The following POLR1B variants were observed in gnomAD, a reference collection of about 807,000 sequenced individuals.
POLR1B encodes the protein DNA-directed RNA polymerase I subunit RPA2.
In POLR1B, 30 loss-of-function variants were observed where a neutral mutation model predicts 105.8. The ratio of observed to expected loss-of-function variants is 0.28; its 90% CI spans 0.21 to 0.38. The LOEUF (loss-of-function observed/expected upper bound fraction) is 0.38, where lower values mean the gene tolerates loss of function less well. Ranked by LOEUF, POLR1B falls within the 10% of genes least tolerant of loss-of-function variation. The probability of loss-of-function intolerance (pLI) is 1.00; values close to 1 mark genes in which losing one functional copy is unlikely to be tolerated. For synonymous variants in POLR1B, 485 were observed against 505.1 expected, an observed-to-expected ratio of 0.96 and a Z score of 0.53; for missense variants, 976 against 1,435.8, an observed-to-expected ratio of 0.68 and a Z score of 5.17.
rs780404765 is a variant in POLR1B at position 112,564,316 on chromosome 2, T to G, written c.1613-50T>G. The G allele has an allele frequency of 6.9e-6, 11 of 1,597,338 alleles. No individual in the cohort carries two copies. The East Asian group carries it at 2.5e-4, about 36-fold the overall frequency. On this transcript the variant is annotated intron_variant, in intron 9 of 14. Transcript: ENST00000263331. ...GACCCCATCTGGAGGGAATCTGGAA[T>G]GTTGGATGAAGCATTCTGATGTGAT...
In POLR1B at chr2:112,578,216, A is replaced by AT. The variant is rs1684950903; in HGVS notation, c.*2487_*2488insT. ...CTCATTTGTGTTGCATGTGATATATAGTTCTATTTCATTTTATCACCTGTG... is the reference window on the plus strand; with the variant it reads ...CTCATTTGTGTTGCATGTGATATATATGTTCTATTTCATTTTATCACCTGTG... On this transcript the variant is annotated 3_prime_UTR_variant, in exon 15 of 15. Coordinates refer to ENST00000263331, the MANE Select transcript of POLR1B (RefSeq NM_019014.6). 6.6e-6 allele frequency among the ~76,000 whole-genome samples: 1 copy of AT among 152,214 alleles called. No individual in the cohort carries two copies.
Position 112,557,840 on chromosome 2 carries a change from GGATT to G in POLR1B, c.1159-69_1159-66del, listed in dbSNP as rs1448704680. On this transcript the variant is annotated intron_variant, in intron 7 of 14. Transcript: ENST00000263331. ...GTCTCAAGCGATCCACCCAATCCTG[GGATT>G]ATAGATGTGAGCCACCACACCTGGC... is the stretch of plus-strand genomic sequence containing the variant. 1.2e-5 allele frequency: 11 copies of G among 906,318 alleles called. No individual in the cohort carries two copies. In the Admixed American group the frequency reaches 4.3e-4, roughly 36 times the overall value. 56.1% of individuals were successfully genotyped at this position (906,318 alleles called of 1,614,324 possible). A position where few individuals can be genotyped will look rare whatever the true frequency, so the allele number is the denominator to read the frequency against.
chr2:112,545,047 A>T (rs1053730196), intron 1 of POLR1B, among the ~76,000 whole-genome samples: 3 of 152,206 alleles, frequency 2.0e-5, no homozygotes, highest in African/African-American at 7.2e-5. Context: ...CTTAAACTAT[A>T]AACAGAGGTT....
At chr2:112,552,183 T>C (rs1053203138) in intron 6 of POLR1B, among the ~76,000 whole-genome samples, 185 bp downstream of exon 6, 7 of 152,342 alleles carry the variant, frequency 4.6e-5, no homozygotes, top group African/African-American at 1.7e-4. Context: ...ATTTTTTTAG[T>C]AGTCGTGTTT....
intron 1 of POLR1B, among the ~76,000 whole-genome samples, chr2:112,546,728 AT>A (rs369129760): frequency 1.3e-5 from 2 of 150,722 alleles, no homozygotes. Flanking sequence ...CGCCTGGCTA[AT>A]TTTTTTTGTA....
chr2:112,575,058 A>G lies in POLR1B; in HGVS notation c.2737A>G (p.Ile913Val), dbSNP rs768291557. 2.5e-6 allele frequency: 4 copies of G among 1,614,218 alleles called. No individual in the cohort carries two copies. The highest frequency in any genetic ancestry group is 2.5e-6 in the Non-Finnish European group (3 of 1,180,044). Residue 913 changes from isoleucine (I) to valine (V), a missense_variant, in exon 15 of 15, where the codon ATT (isoleucine) becomes GTT (valine). Physicochemically the swap from Ile to Val is conservative, Grantham distance 29. This residue lies in a region of POLR1B where 35 missense variants were observed against 102.5 expected (regional missense o/e 0.34). Transcript: ENST00000263331. This position sits in a 1 kb window ranked among gnomAD's most constrained non-coding sequence, Gnocchi z 5.3. ...PFTESGMVPD[I>V]LFNPHGFPSR... ...TACTGAGAGTGGGATGGTCCCAGAC[A>G]TTCTGTTCAATCCCCATGGTTTTCC...
rs1292518946 is a variant in POLR1B, at chr2:112,542,542, A to G, written c.48A>G (p.Leu16=). ...GGAACCTGCCCAGCGGGCCTAGCCT[A>G]AAGCACTTGACTGACCCCTCTTATG... ...RWRNLPSGPS[L]KHLTDPSYGI... Residue 16 remains leucine, a synonymous_variant, in exon 1 of 15, where the codon CTA becomes CTG. Transcript: ENST00000263331. 4 of 1,614,030 alleles carry G rather than the reference A, an allele frequency of 2.5e-6. No individual in the cohort carries two copies. Among genetic ancestry groups the G allele is most frequent in the African/African-American group, 2.7e-5 (2 of 74,928 alleles).
chr2:112,550,999 TA>T lies in POLR1B; in HGVS notation c.761del (p.Lys254ArgfsTer33). 1 of 1,613,260 alleles carries T rather than the reference TA, an allele frequency of 6.2e-7. No individual in the cohort carries two copies. Among genetic ancestry groups the T allele is most frequent in the Non-Finnish European group, 8.5e-7 (1 of 1,179,192 alleles). On this transcript the variant is annotated frameshift_variant and splice_region_variant, in exon 5 of 15. Transcript: ENST00000263331. LOFTEE classifies it high-confidence loss of function. Reference sequence around the variant, plus strand: ...TCTTTCTTCCTTTGGGATTTGCACTTAAGGTATGACTTAATGAATGCATTCT... The same window carrying T: ...TCTTTCTTCCTTTGGGATTTGCACTTAGGTATGACTTAATGAATGCATTCT... ...LFFLPLGFALKALVSFSDYQI... is the reference protein window; with the variant it reads ...LFFLPLGFALXALVSFSDYQI...
chr2:112,549,504 T>C lies in POLR1B; in HGVS notation c.625+105T>C, dbSNP rs550652481. ...GGTCTTTGATATTTTTGTTTCTTTT[T>C]TTTTTTTTTTTTGGTAGGGATGGGG... is the stretch of plus-strand genomic sequence containing the variant. On this transcript the variant is annotated intron_variant, in intron 4 of 14. Transcript: ENST00000263331. The C allele has an allele frequency of 7.1e-3, 6,077 of 858,036 alleles. 179 individuals carry two copies. In the African/African-American group the frequency reaches 0.085, roughly 12 times the overall value. The allele number at this position is 858,036 out of a possible 1,614,324, so 53.2% of individuals were successfully genotyped here. A position where few individuals can be genotyped will look rare whatever the true frequency, so the allele number is the denominator to read the frequency against.
chr2:112,575,508 G>T lies in POLR1B; in HGVS notation c.3187G>T (p.Asp1063Tyr). Reference protein sequence around the residue: ...LLHDRLFNCSDRSVAHVCVKC... With the variant: ...LLHDRLFNCSYRSVAHVCVKC... ...TCATGACCGCCTCTTCAACTGCTCAGATCGGTCGGTAGCCCATGTGTGTGT... is the reference window on the plus strand; with the variant it reads ...TCATGACCGCCTCTTCAACTGCTCATATCGGTCGGTAGCCCATGTGTGTGT... Residue 1063 changes from aspartate to tyrosine, a missense_variant, in exon 15 of 15, where the codon GAT becomes TAT. Asp to Tyr is a radical substitution (Grantham distance 160, BLOSUM62 -3). Coordinates refer to ENST00000263331, the MANE Select transcript of POLR1B (RefSeq NM_019014.6). This position sits in a 1 kb window ranked among gnomAD's most constrained non-coding sequence, Gnocchi z 5.3. 6.2e-7 allele frequency: 1 copy of T among 1,614,148 alleles called. No homozygotes were observed. The highest frequency in any genetic ancestry group is 1.3e-5 in the African/African-American group (1 of 75,018).
Position 112,579,521 on chromosome 2 carries a change from G to T in POLR1B, c.*3792G>T, listed in dbSNP as rs1685005294. The T allele has an allele frequency of 6.6e-6, 1 of 152,088 alleles. No individual in the cohort carries two copies. Among genetic ancestry groups the T allele is most frequent in the African/African-American group, 2.4e-5 (1 of 41,402 alleles). The allele number at this position is 152,088 out of a possible 1,614,324, so 9.4% of individuals were successfully genotyped here. A position where few individuals can be genotyped will look rare whatever the true frequency, so the allele number is the denominator to read the frequency against. On this transcript the variant is annotated 3_prime_UTR_variant, in exon 15 of 15. Transcript: ENST00000263331. ...AAGTGAAGCAGTGGGAGTGGAAAAA[G>T]AACAAATAAATCTGTAAGTGGTTGT...
chr2:112,545,653 T>G (rs1682998988), intron 1 of POLR1B, among the ~76,000 whole-genome samples: 2 of 151,866 alleles, frequency 1.3e-5, no homozygotes, highest in African/African-American at 4.8e-5. Context: ...TCTGTTTTTT[T>G]TTTTGAGACA....
At position 112,576,411 on chromosome 2, in the gene POLR1B, T is replaced by C. The variant is rs560687938; in HGVS notation, c.*682T>C. On this transcript the variant is annotated 3_prime_UTR_variant, in exon 15 of 15. Coordinates refer to ENST00000263331, the MANE Select transcript of POLR1B (RefSeq NM_019014.6). ...CCTACCCTCTTAACAAATCTTTAAG[T>C]GCACGATATAGTATTGTTAATTCCA... The C allele has an allele frequency of 6.6e-6, 1 of 152,282 alleles. No individual in the cohort carries two copies. The highest frequency in any genetic ancestry group is 1.5e-5 in the Non-Finnish European group (1 of 68,102). 9.4% of individuals were successfully genotyped at this position (152,282 alleles called of 1,614,324 possible).
intron 9 of POLR1B, among the ~76,000 whole-genome samples, chr2:112,562,948 C>T (rs183606452): frequency 4.6e-4 from 70 of 151,318 alleles, no homozygotes; most frequent in Non-Finnish European, 1.9e-4. Context: ...AGGTTGGTGT[C>T]GAACTCTCGA....
At chr2:112,556,862 G>A (rs571689532) in intron 7 of POLR1B, among the ~76,000 whole-genome samples, 1 of 152,306 alleles carries the variant, frequency 6.6e-6, no homozygotes, top group South Asian at 2.1e-4. Context: ...CGGGTATACA[G>A]TGATTTTTCC....
At chr2:112,542,370 C>A (rs753001601), upstream of POLR1B, 1 of 1,594,012 alleles carries the variant, frequency 6.3e-7, no homozygotes, top group Admixed American at 1.7e-5. Context: ...GCGGGTGGAA[C>A]GAGAGGGAAC....
intron 7 of POLR1B, among the ~76,000 whole-genome samples, chr2:112,554,086 C>T (rs1256808972): frequency 6.6e-6 from 1 of 152,010 alleles, no homozygotes; most frequent in Non-Finnish European, 1.5e-5. Flanking sequence ...CCTCAGCCTC[C>T]CAAAGTGCTG....
rs749927583 is a variant in POLR1B, at chr2:112,575,996, A to G, written c.*267A>G. 1.2e-5 allele frequency: 5 copies of G among 425,462 alleles called. No individual in the cohort carries two copies. Among genetic ancestry groups the G allele is most frequent in the African/African-American group, 2.0e-5 (1 of 49,598 alleles). 26.4% of individuals were successfully genotyped at this position (425,462 alleles called of 1,614,324 possible). On this transcript the variant is annotated 3_prime_UTR_variant, in exon 15 of 15. Transcript: ENST00000263331. This position sits in a 1 kb window ranked among gnomAD's most constrained non-coding sequence, Gnocchi z 5.3. ...ATAAATGGAAGAGCATACGGTGACA[A>G]GTCTCCTTTCCAACCCCAGGTTCCC...
rs1297534424 is a variant in POLR1B at position 112,568,040 on chromosome 2, A to T, written c.1820A>T (p.Tyr607Phe). The stretch of plus-strand genomic sequence containing the variant: ...CCCATGACAGGAAAACCAAGTCTGT[A>T]CCCAGGATTGTTCCTTTTTACCACT... The part of the protein sequence containing the change: ...LIPMTGKPSL[Y>F]PGLFLFTTPC... The change falls in exon 11 of 15, where the codon TAC becomes TTC. Residue 607 changes from tyrosine (Y) to phenylalanine (F), a missense_variant. By Grantham distance (22) the Tyr-to-Phe change is conservative. This residue lies in a region of POLR1B where 184 missense variants were observed against 197.4 expected (regional missense o/e 0.93). Transcript: ENST00000263331. The T allele has an allele frequency of 4.3e-6, 7 of 1,614,130 alleles. No individual in the cohort carries two copies. Among genetic ancestry groups the T allele is most frequent in the Non-Finnish European group, 5.1e-6 (6 of 1,179,950 alleles).
Sources: allele counts gnomAD v4.1 joint callset (sites outside exome capture counted in the v4.1 genomes callset), GRCh38; gene constraint gnomAD v4.1.1; regional missense constraint gnomAD v4.1.1; non-coding constraint Gnocchi (gnomAD v3.1); transcripts MANE v1.5; gene names NCBI Gene and HGNC (gene_info 2026-07-23, HGNC 2026-07-21).